Variants in ADGRL3 observed in about 807,000 individuals in gnomAD.
The protein encoded by ADGRL3 is adhesion G protein-coupled receptor L3.
ADGRL3 carries 62 observed loss-of-function variants against 153.5 expected under a neutral mutation model. The observed-to-expected ratio is 0.40, with a 90% CI of 0.33 to 0.50. The LOEUF is 0.50. Ranked by LOEUF, ADGRL3 falls within the 20% of genes least tolerant of loss-of-function variation. ADGRL3 has a pLI of 0.47. For missense variants in ADGRL3, 1,641 were observed against 1,859.4 expected (o/e 0.88, Z 2.16); for synonymous variants, 710 against 672.5 (o/e 1.06, Z -0.86).
chr4:61,533,126 G>C (rs767734684), intron 4 of ADGRL3, among the ~76,000 whole-genome samples: 1 of 152,150 alleles, frequency 6.6e-6, no homozygotes, highest in Non-Finnish European at 1.5e-5. Flanking sequence ...ATAGAATTTT[G>C]ATAAGGACGT....
chr4:61,640,186 G>A (rs1001625777), intron 5 of ADGRL3, among the ~76,000 whole-genome samples: 11 of 151,658 alleles, frequency 7.3e-5, no homozygotes, highest in South Asian at 2.1e-4. Context: ...TTCAACAAGC[G>A]GAATATGGCA....
At chr4:61,955,676 C>G (rs1209469282) in intron 17 of ADGRL3, among the ~76,000 whole-genome samples, 1 of 151,988 alleles carries the variant, frequency 6.6e-6, no homozygotes, top group East Asian at 1.9e-4. Flanking sequence ...CATCTAAGTT[C>G]CCTTCCCTCA....
chr4:61,560,258 T>C lies in ADGRL3; in HGVS notation c.260-26969T>C, dbSNP rs545796614. ...GTTTTAAACCATAATGATTAGCTTG[T>C]AATATGCAATAAAAAACTGGTTCAT... On this transcript the variant is annotated intron_variant, in intron 4 of 26. Transcript: ENST00000683033. Among the ~76,000 whole-genome samples, 63 of 152,236 alleles carry C rather than the reference T, an allele frequency of 4.1e-4. 1 individual carries two copies. Among genetic ancestry groups the C allele is most frequent in the Admixed American group, 2.0e-4 (3 of 15,272 alleles).
chr4:61,675,965 C>T (rs1458950992), intron 5 of ADGRL3, among the ~76,000 whole-genome samples: 9 of 151,812 alleles, frequency 5.9e-5, no homozygotes, highest in South Asian at 2.1e-4. Context: ...CCCCTCACTC[C>T]GTTCCCAGCC....
intron 13 of ADGRL3, among the ~76,000 whole-genome samples, chr4:61,919,728 A>T (rs116742565): frequency 0.011 from 1,675 of 152,310 alleles, 27 homozygotes; most frequent in African/African-American, 0.038. Flanking sequence ...ACAATGACAG[A>T]TGTTGATCAT....
chr4:61,322,877 T>C (rs1354464035), intron 1 of ADGRL3, among the ~76,000 whole-genome samples: 1 of 152,180 alleles, frequency 6.6e-6, no homozygotes, highest in Non-Finnish European at 1.5e-5. Context: ...ACAGCTCCAC[T>C]AGGTGGTGCC....
chr4:61,500,511 T>G (rs1413258557), intron 3 of ADGRL3, among the ~76,000 whole-genome samples: 1 of 152,190 alleles, frequency 6.6e-6, no homozygotes, highest in Non-Finnish European at 1.5e-5. Flanking sequence ...GAATACTGCA[T>G]AACTTGAAAC....
At chr4:61,475,126 C>T (rs925411673) in intron 2 of ADGRL3, among the ~76,000 whole-genome samples, 5 of 152,118 alleles carry the variant, frequency 3.3e-5, no homozygotes, top group Admixed American at 1.3e-4. Flanking sequence ...ACGGAGTTAT[C>T]CCAAGCTAGG....
intron 8 of ADGRL3, among the ~76,000 whole-genome samples, chr4:61,812,452 A>G (rs187858548): frequency 6.6e-6 from 1 of 152,308 alleles, no homozygotes; most frequent in Admixed American, 6.5e-5. Context: ...AGTTACTCCA[A>G]CTGTTATCAT....
intron 13 of ADGRL3, among the ~76,000 whole-genome samples, chr4:61,925,733 G>GC (rs1419274191): frequency 6.6e-6 from 1 of 152,048 alleles, no homozygotes; most frequent in African/African-American, 2.4e-5. Flanking sequence ...TGACGGCTCT[G>GC]CCCCCATGAC....
chr4:61,540,135 G>A (rs144701030), intron 4 of ADGRL3, among the ~76,000 whole-genome samples: 1 of 152,110 alleles, frequency 6.6e-6, no homozygotes, highest in Non-Finnish European at 1.5e-5. Context: ...TACAAATAAA[G>A]AAATTAAATA....
intron 1 of ADGRL3, among the ~76,000 whole-genome samples, chr4:61,272,392 A>T (rs28634991): frequency 0.32 from 48,941 of 151,924 alleles, 8,259 homozygotes; most frequent in East Asian, 0.39. Context: ...CAAGAGAAAT[A>T]AAAGAAAATT....
chr4:61,962,282 C>T (rs1442237506), intron 17 of ADGRL3, among the ~76,000 whole-genome samples: 1 of 152,018 alleles, frequency 6.6e-6, no homozygotes, highest in East Asian at 1.9e-4. Context: ...TATTATATTA[C>T]TTAACTCCTA....
At chr4:61,711,497 C>CAT (rs2095990814) in intron 6 of ADGRL3, among the ~76,000 whole-genome samples, 6 of 47,038 alleles carry the variant, frequency 1.3e-4, no homozygotes, top group Non-Finnish European at 2.1e-4. Context: ...TATATACACA[C>CAT]ACACACACAC....
intron 2 of ADGRL3, among the ~76,000 whole-genome samples, chr4:61,386,343 G>A (rs1290379068): frequency 6.6e-6 from 1 of 152,066 alleles, no homozygotes; most frequent in Non-Finnish European, 1.5e-5. Flanking sequence ...AAATAATCAA[G>A]AAGACTATGA....
intron 1 of ADGRL3, among the ~76,000 whole-genome samples, chr4:61,373,967 A>G (rs1382559310): frequency 6.6e-6 from 1 of 152,206 alleles, no homozygotes; most frequent in Non-Finnish European, 1.5e-5. Context: ...AATGTCCTCA[A>G]AAGGCAGAGT....
intron 9 of ADGRL3, among the ~76,000 whole-genome samples, chr4:61,863,237 T>TA: frequency 7.4e-6 from 1 of 135,200 alleles, no homozygotes; most frequent in Non-Finnish European, 1.6e-5. Flanking sequence ...CATTCTTTTT[T>TA]TTTTTTTTTT....
Position 62,075,933 on chromosome 4 carries a change from A to G in ADGRL3, c.*5025A>G, listed in dbSNP as rs1279476928. The G allele has an allele frequency of 2.0e-5, 3 of 152,172 alleles. No individual in the cohort carries two copies. Among genetic ancestry groups the G allele is most frequent in the Non-Finnish European group, 4.4e-5 (3 of 68,008 alleles). The allele number at this position is 152,172 out of a possible 1,614,324, so 9.4% of individuals were successfully genotyped here. On this transcript the variant is annotated 3_prime_UTR_variant, in exon 27 of 27. Coordinates refer to ENST00000683033, the MANE Select transcript of ADGRL3 (RefSeq NM_001387552.1). ...GTTGGTAGTTGCTTCTTTCCTGATT[A>G]GGCCATAAGAAGAAACTTTCCTATT...
intron 9 of ADGRL3, among the ~76,000 whole-genome samples, chr4:61,891,236 G>A (rs1479677205): frequency 1.3e-5 from 2 of 152,246 alleles, no homozygotes; most frequent in East Asian, 3.9e-4. Context: ...TCAAATAGAG[G>A]CATGAGACAG....
Sources: allele counts gnomAD v4.1 joint callset (sites outside exome capture counted in the v4.1 genomes callset), GRCh38; gene constraint gnomAD v4.1.1; transcripts MANE v1.5; gene names NCBI Gene and HGNC (gene_info 2026-07-23, HGNC 2026-07-21).